The following ROPN1L variants were observed in gnomAD, a reference collection of about 807,000 sequenced individuals.
ROPN1L encodes the protein rhophilin associated tail protein 1 like, also known as ropporin-1-like protein.
ROPN1L carries 23 observed loss-of-function variants against 22.7 expected under a neutral mutation model. The observed-to-expected ratio is 1.01, with a 90% CI of 0.73 to 1.43. ROPN1L has a LOEUF of 1.43. Ranked by LOEUF, ROPN1L falls within the 40% of genes most tolerant of loss-of-function variation. The pLI, the probability that ROPN1L is intolerant of heterozygous loss-of-function variation, is 0.00. For missense variants in ROPN1L, 271 were observed against 291.5 expected (o/e 0.93, Z 0.51); for synonymous variants, 116 against 117.8 (o/e 0.98, Z 0.10).
At chr5:10,458,175 C>T (rs1005092612) in intron 3 of ROPN1L, among the ~76,000 whole-genome samples, 7 of 152,056 alleles carry the variant, frequency 4.6e-5, no homozygotes, top group Admixed American at 4.6e-4. Flanking sequence ...CTGTGCCACC[C>T]GCCAGTCCTT....
chr5:10,472,189 T>C (rs546803146), downstream of ROPN1L, among the ~76,000 whole-genome samples: 1 of 152,360 alleles, frequency 6.6e-6, no homozygotes, highest in Non-Finnish European at 1.5e-5. Context: ...TGATTTTCAC[T>C]TGTGCATTTA....
the ROPN1L span, among the ~76,000 whole-genome samples, chr5:10,482,712 T>A: frequency 6.6e-6 from 1 of 152,176 alleles, no homozygotes; most frequent in African/African-American, 2.4e-5. Flanking sequence ...TCCCCTCAAA[T>A]TTCAGGTCAA....
intron 1 of ROPN1L, 136 bp downstream of exon 1, chr5:10,442,434 G>T: frequency 1.9e-6 from 2 of 1,078,882 alleles, no homozygotes; most frequent in Non-Finnish European, 1.3e-6. Flanking sequence ...TTTCCCCTTA[G>T]CATTGGTGAC....
chr5:10,457,219 G>A (rs542128311), intron 3 of ROPN1L, among the ~76,000 whole-genome samples: 3 of 152,238 alleles, frequency 2.0e-5, no homozygotes, highest in East Asian at 3.9e-4. Context: ...CCCCCTAACC[G>A]TGCCGTCCAC....
At chr5:10,471,842 G>A (rs1233878033) in exon 5 of ROPN1L, 2 of 152,290 alleles carry the variant, frequency 1.3e-5, no homozygotes, top group African/African-American at 4.8e-5. Context: ...ACCAGAATCT[G>A]GAGAGAAGAA....
At chr5:10,477,938 A>G in the ROPN1L span, 2 of 152,242 alleles carry the variant, frequency 1.3e-5, no homozygotes, top group Non-Finnish European at 2.9e-5. Flanking sequence ...TAAAAAAAGA[A>G]AAAAAACTAT....
intron 3 of ROPN1L, among the ~76,000 whole-genome samples, chr5:10,453,622 G>A (rs1018636018): frequency 6.6e-6 from 1 of 152,204 alleles, no homozygotes; most frequent in African/African-American, 2.4e-5. Flanking sequence ...CGCTGCCTGC[G>A]TGAGCGGGAT....
chr5:10,457,259 G>A (rs1387110548), intron 3 of ROPN1L, among the ~76,000 whole-genome samples: 3 of 152,182 alleles, frequency 2.0e-5, no homozygotes, highest in Non-Finnish European at 4.4e-5. Context: ...GCCGCCACCA[G>A]CACTGCTGGC....
downstream of ROPN1L, among the ~76,000 whole-genome samples, chr5:10,467,802 G>A (rs1735179362): frequency 6.6e-6 from 1 of 152,110 alleles, no homozygotes; most frequent in South Asian, 2.1e-4. Context: ...TTCCTTTCAT[G>A]ACACCGTCTG....
downstream of ROPN1L, among the ~76,000 whole-genome samples, chr5:10,472,672 T>C (rs1735267846): frequency 6.6e-6 from 1 of 152,134 alleles, no homozygotes; most frequent in Non-Finnish European, 1.5e-5. Context: ...GTGCCAGGCC[T>C]CAAGGAGAGT....
At chr5:10,445,009 C>A (rs1741010280) in intron 1 of ROPN1L, among the ~76,000 whole-genome samples, 1 of 152,106 alleles carries the variant, frequency 6.6e-6, no homozygotes, top group South Asian at 2.1e-4. Context: ...GAGTCTTTTT[C>A]TGTGGCCCAG....
the ROPN1L span, among the ~76,000 whole-genome samples, chr5:10,478,625 G>A: frequency 0.44 from 66,118 of 151,848 alleles, 15,273 homozygotes; most frequent in Middle Eastern, 0.64. Context: ...CTCTCCTCTC[G>A]TAAAGGGCAG....
chr5:10,468,742 C>T (rs189707480), downstream of ROPN1L, among the ~76,000 whole-genome samples: 315 of 152,298 alleles, frequency 2.1e-3, 1 homozygote, highest in African/African-American at 6.9e-3. Context: ...AGGACCCTAA[C>T]GGGATTGATA....
chr5:10,451,592 C>T (rs912416063), intron 3 of ROPN1L, among the ~76,000 whole-genome samples: 3 of 152,230 alleles, frequency 2.0e-5, no homozygotes, highest in African/African-American at 7.2e-5. Context: ...TCCCTTCCTT[C>T]GCCATGTCAC....
At position 10,470,603 on chromosome 5, in the gene ROPN1L, C is replaced by T. The variant is rs542671433; in HGVS notation, n.886-1207C>T. Among the ~76,000 whole-genome samples, 6 of 152,322 alleles carry T rather than the reference C, an allele frequency of 3.9e-5. No homozygotes were observed. In the South Asian group the frequency reaches 1.2e-3, roughly 32 times the overall value. ...TGTTTCCTGGAACCTTCATGCTTTCCCCGAGGTTGGAGCAGGGATCCCACG... is the reference window on the plus strand; with the variant it reads ...TGTTTCCTGGAACCTTCATGCTTTCTCCGAGGTTGGAGCAGGGATCCCACG... On this transcript the variant is annotated intron_variant and non_coding_transcript_variant, in intron 4 of 4. Coordinates refer to the ROPN1L transcript ENST00000510520.
Position 10,442,073 on chromosome 5 carries a change from C to T in ROPN1L, c.-95C>T, listed in dbSNP as rs1740896683. On this transcript the variant is annotated 5_prime_UTR_variant, in exon 1 of 5. Transcript: ENST00000274134. ...GAGGCGGCCCTGGCCGCAAGCCCCGCGCTGCTAGCGGGTCCACCGCGTCGT... is the reference window on the plus strand; with the variant it reads ...GAGGCGGCCCTGGCCGCAAGCCCCGTGCTGCTAGCGGGTCCACCGCGTCGT... 2 of 1,520,432 alleles carry T rather than the reference C, an allele frequency of 1.3e-6. No homozygotes were observed. Among genetic ancestry groups the T allele is most frequent in the Non-Finnish European group, 1.8e-6 (2 of 1,120,454 alleles). 94.2% of individuals were successfully genotyped at this position (1,520,432 alleles called of 1,614,324 possible).
In ROPN1L at chr5:10,441,980, C is replaced by G; in HGVS notation, c.-188C>G. 2 of 704,020 alleles carry G rather than the reference C, an allele frequency of 2.8e-6. No individual in the cohort carries two copies. The highest frequency in any genetic ancestry group is 4.6e-6 in the Non-Finnish European group (2 of 437,136). 43.6% of individuals were successfully genotyped at this position (704,020 alleles called of 1,614,324 possible). On this transcript the variant is annotated 5_prime_UTR_variant, in exon 1 of 5. Transcript: ENST00000274134. ...TCGGAGTGGCAGTTGGTCCGAATTT[C>G]TCCCGAAGCCCGCGGAGGAGCGGGT... is the stretch of plus-strand genomic sequence containing the variant.
chr5:10,450,683 T>TA (rs1741224097), intron 3 of ROPN1L, among the ~76,000 whole-genome samples: 1 of 152,190 alleles, frequency 6.6e-6, no homozygotes, highest in Admixed American at 6.5e-5. Context: ...TTTGTATTTT[T>TA]AGTAGAGACG....
At chr5:10,480,306 A>G in the ROPN1L span, among the ~76,000 whole-genome samples, 1 of 152,152 alleles carries the variant, frequency 6.6e-6, no homozygotes, top group African/African-American at 2.4e-5. Context: ...GTGCCAGGCA[A>G]TTGATGCGCA....
Sources: allele counts gnomAD v4.1 joint callset (sites outside exome capture counted in the v4.1 genomes callset), GRCh38; gene constraint gnomAD v4.1.1; transcripts MANE v1.5; gene names NCBI Gene and HGNC (gene_info 2026-07-23, HGNC 2026-07-21).